Variants in SPOCK3 observed in about 807,000 individuals in gnomAD.
SPOCK3 encodes the protein SPARC (osteonectin), cwcv and kazal like domains proteoglycan 3, also known as testican-3.
In SPOCK3, 30 loss-of-function variants were observed where a neutral mutation model predicts 56.6. The ratio of observed to expected loss-of-function variants is 0.53; its 90% CI spans 0.40 to 0.72. The LOEUF (loss-of-function observed/expected upper bound fraction) is 0.72, where lower values mean the gene tolerates loss of function less well. Ranked by LOEUF, SPOCK3 falls within the 30% of genes least tolerant of loss-of-function variation. The pLI is 0.00. For missense variants in SPOCK3, 527 were observed against 530.0 expected (o/e 0.99, Z 0.06); for synonymous variants, 196 against 183.3 (o/e 1.07, Z -0.56).
In SPOCK3 at chr4:167,190,233, C is replaced by A. The variant is rs1404696998; in HGVS notation, c.189+43752G>T. Among the ~76,000 whole-genome samples the A allele has an allele frequency of 1.4e-5, 2 of 145,670 alleles. 1 individual carries two copies. Among genetic ancestry groups the A allele is most frequent in the African/African-American group, 5.2e-5 (2 of 38,228 alleles). On this transcript the variant is annotated intron_variant, in intron 2 of 10. Transcript: ENST00000357545. ...TGATGGCTGTATTAATTTCCAGTTC[C>A]ACCAACAGTGTATAAGGCTTCCCTT...
intron 3 of SPOCK3, among the ~76,000 whole-genome samples, chr4:167,046,450 C>CTTTTTTTTTTTTTTTTTTTTTTTTTTT (rs67108499): frequency 9.3e-5 from 5 of 53,702 alleles, no homozygotes; most frequent in Admixed American, 2.5e-4. Context: ...TTCTGATATT[C>CTTTTTTTTTTTTTTTTTTTTTTTTTTT]TTTTTTTTTT....
chr4:167,113,537 GTGTC>G (rs1561229899), intron 2 of SPOCK3, among the ~76,000 whole-genome samples: 1 of 152,000 alleles, frequency 6.6e-6, no homozygotes, highest in Non-Finnish European at 1.5e-5. Context: ...GTTTCAGTCA[GTGTC>G]TGAGCAGATA....
intron 6 of SPOCK3, among the ~76,000 whole-genome samples, chr4:166,865,549 A>G (rs1265108934): frequency 6.6e-6 from 1 of 152,182 alleles, no homozygotes; most frequent in Non-Finnish European, 1.5e-5. Context: ...TCAGGCCAAA[A>G]ACTCCTTAAA....
intron 4 of SPOCK3, among the ~76,000 whole-genome samples, chr4:166,966,756 C>T (rs1744780307): frequency 6.6e-6 from 1 of 152,084 alleles, no homozygotes; most frequent in African/African-American, 2.4e-5. Context: ...ATTATTATTA[C>T]AATAATAACA....
chr4:166,851,847 C>T (rs566738003), intron 6 of SPOCK3, among the ~76,000 whole-genome samples: 16 of 151,950 alleles, frequency 1.1e-4, no homozygotes, highest in South Asian at 4.1e-4. Flanking sequence ...CACATGCACA[C>T]GTATGTTTAT....
At chr4:167,103,136 T>C (rs546768234) in intron 2 of SPOCK3, among the ~76,000 whole-genome samples, 10 of 152,026 alleles carry the variant, frequency 6.6e-5, no homozygotes, top group African/African-American at 2.4e-4. Context: ...AAGGACCTAG[T>C]CCTGGAAGAA....
intron 2 of SPOCK3, among the ~76,000 whole-genome samples, chr4:167,124,384 T>A (rs535772468): frequency 3.2e-4 from 48 of 152,318 alleles, no homozygotes; most frequent in Admixed American, 1.4e-3. Flanking sequence ...ACATTCAGAA[T>A]GTCTAAAACC....
chr4:166,739,882 T>A (rs1734649489), intron 9 of SPOCK3, among the ~76,000 whole-genome samples: 1 of 152,184 alleles, frequency 6.6e-6, no homozygotes, highest in African/African-American at 2.4e-5. Context: ...AACTATAATT[T>A]ATTCAAAATA....
At chr4:167,081,398 G>GA (rs914404782) in intron 2 of SPOCK3, among the ~76,000 whole-genome samples, 8 of 151,736 alleles carry the variant, frequency 5.3e-5, no homozygotes, top group African/African-American at 1.9e-4. Context: ...ATATTAAAAG[G>GA]AAAAAAAGTC....
chr4:166,948,713 C>T (rs899188124), intron 4 of SPOCK3, among the ~76,000 whole-genome samples: 9 of 152,152 alleles, frequency 5.9e-5, no homozygotes, highest in Non-Finnish European at 1.2e-4. Flanking sequence ...GAGAGATCCA[C>T]TGTTAGTCTG....
At chr4:166,926,545 G>GT (rs59683401) in intron 4 of SPOCK3, among the ~76,000 whole-genome samples, 31,168 of 151,184 alleles carry the variant, frequency 0.21, 3,467 homozygotes, top group Non-Finnish European at 0.24. Flanking sequence ...TGCTTTTTTT[G>GT]TTTTTTTTGA....
rs182830104 is a variant in SPOCK3, at chr4:166,859,312, A to G, written c.589+29818T>C. ...AAAATATACATAAACATAGACATGT[A>G]GAAGGCCTAGACTGATATACAAATA... On this transcript the variant is annotated intron_variant, in intron 6 of 10. Coordinates refer to ENST00000357545, the MANE Select transcript of SPOCK3 (RefSeq NM_001040159.2). Among the ~76,000 whole-genome samples the G allele has an allele frequency of 2.0e-5, 3 of 152,318 alleles. No homozygotes were observed. In the East Asian group the frequency reaches 5.8e-4, roughly 29 times the overall value.
intron 4 of SPOCK3, among the ~76,000 whole-genome samples, chr4:166,925,241 G>T (rs1192063018): frequency 2.0e-5 from 3 of 151,982 alleles, no homozygotes; most frequent in Admixed American, 1.3e-4. Context: ...TTACATTTTT[G>T]ATTATTTACC....
intron 6 of SPOCK3, among the ~76,000 whole-genome samples, chr4:166,875,469 A>T (rs1433712271): frequency 1.3e-5 from 2 of 152,200 alleles, no homozygotes; most frequent in Non-Finnish European, 2.9e-5. Context: ...TACTGAGGAA[A>T]TATGCTATTT....
At chr4:167,112,849 A>T (rs56295901) in intron 2 of SPOCK3, among the ~76,000 whole-genome samples, 11,038 of 51,016 alleles carry the variant, frequency 0.22, 500 homozygotes, top group Middle Eastern at 0.47. Context: ...GCTCTTTTTT[A>T]AAAAAAAAAA....
chr4:167,097,541 A>T (rs944889665), intron 2 of SPOCK3, among the ~76,000 whole-genome samples: 19 of 151,592 alleles, frequency 1.3e-4, no homozygotes, highest in Non-Finnish European at 2.4e-4. Context: ...CTTACAATTA[A>T]TTTTTTTTAA....
intron 5 of SPOCK3, among the ~76,000 whole-genome samples, chr4:166,896,812 T>C (rs1735434024): frequency 6.6e-6 from 1 of 152,234 alleles, no homozygotes. Context: ...GCTGCCTTCC[T>C]CTGTAGTATA....
chr4:167,065,263 G>T (rs1004178162), intron 2 of SPOCK3, among the ~76,000 whole-genome samples: 2 of 151,762 alleles, frequency 1.3e-5, no homozygotes, highest in Non-Finnish European at 2.9e-5. Context: ...TGGAAACCGT[G>T]TAGAACTGAC....
intron 6 of SPOCK3, among the ~76,000 whole-genome samples, chr4:166,877,378 C>A (rs1325907345): frequency 1.3e-5 from 2 of 152,004 alleles, no homozygotes; most frequent in African/African-American, 2.4e-5. Context: ...TGAGATATTT[C>A]TTTTATGGTG....
Sources: gnomAD v4.1 joint callset for allele counts (sites outside exome capture counted in the v4.1 genomes callset) on GRCh38, gnomAD v4.1.1 for gene constraint, MANE v1.5 for transcripts, NCBI Gene and HGNC (gene_info 2026-07-23, HGNC 2026-07-21) for gene names.